F8: variants seen among roughly 807,000 people sequenced by gnomAD.
F8 encodes antihemophilic factor.
A neutral mutation model predicts 140.6 loss-of-function variants in F8; 12 were observed. That is an observed-to-expected ratio of 0.09 (90% CI 0.05 to 0.14). The LOEUF (loss-of-function observed/expected upper bound fraction) is 0.14. Among genes scored for constraint, F8 ranks in the 10% least tolerant of loss-of-function variants. F8 has a pLI of 1.00. For synonymous variants in F8, 585 were observed against 614.6 expected (o/e 0.95, Z 0.71); for missense variants, 1,354 against 1,720.7 (o/e 0.79, Z 3.77).
intron 10 of F8, among the ~76,000 whole-genome samples, chrX:154,958,098 T>C (rs781883965): frequency 9.0e-6 from 1 of 111,030 alleles, no homozygotes; most frequent in South Asian, 3.9e-4. Context: ...GGTGCCCAAA[T>C]GCTGGTCTTT....
intron 11 of F8, among the ~76,000 whole-genome samples, chrX:154,955,441 G>A (rs2124092591): frequency 9.4e-6 from 1 of 106,176 alleles, no homozygotes; most frequent in African/African-American, 3.5e-5. Context: ...TTACAGGCGT[G>A]AGCCACCGCA....
In F8 at chrX:154,966,534, A is replaced by G; in HGVS notation, c.1163T>C (p.Ile388Thr). 1.7e-6 allele frequency: 2 copies of G among 1,211,709 alleles called. No individual in the cohort carries two copies. Among genetic ancestry groups the G allele is most frequent in the Non-Finnish European group, 2.2e-6 (2 of 895,480 alleles). ...RFDDDNSPSF[I>T]QIRSVAKKHP... ...CTTCTTGGCAACTGAGCGAATTTGG[A>G]TAAAGGAAGGAGAGTTGTCATCATC... Residue 388 changes from isoleucine to threonine, a missense_variant, in exon 8 of 26, where the codon ATC becomes ACC. By Grantham distance (89) the Ile-to-Thr change is moderately conservative. Transcript: ENST00000360256.
At chrX:154,966,343 T>C in intron 8 of F8, 83 bp downstream of exon 8, 1 of 1,137,287 alleles carries the variant, frequency 8.8e-7, no homozygotes, top group South Asian at 2.0e-5. Context: ...TAAACATGGC[T>C]TCAGGATTTG....
At chrX:154,869,311 C>A (rs782100652) in intron 22 of F8, among the ~76,000 whole-genome samples, 35 of 111,819 alleles carry the variant, frequency 3.1e-4, no homozygotes, top group African/African-American at 1.1e-3. Context: ...CACTCCTCAG[C>A]AAATACAAAA....
chrX:154,847,625 T>G (rs1363698914), intron 25 of F8, among the ~76,000 whole-genome samples: 1 of 112,328 alleles, frequency 8.9e-6, no homozygotes, highest in Non-Finnish European at 1.9e-5. Context: ...GCCATGGTTT[T>G]CAGCTCCATC....
At chrX:154,972,698 TC>T in intron 6 of F8, among the ~76,000 whole-genome samples, 1 of 93,958 alleles carries the variant, frequency 1.1e-5, no homozygotes, top group African/African-American at 4.9e-5. Context: ...TTCTTTTCTT[TC>T]TGTCTTTCTT....
rs969101260 is a variant in F8, at chrX:154,965,851, T to C, written c.1443+119A>G. 4.8e-5 allele frequency: 33 copies of C among 681,346 alleles called. No individual in the cohort carries two copies. In the East Asian group the frequency reaches 1.1e-3, roughly 22 times the overall value. The allele number at this position is 681,346 out of a possible 1,213,427, so 56.2% of individuals were successfully genotyped here. A position where few individuals can be genotyped will look rare whatever the true frequency, so the allele number is the denominator to read the frequency against. On this transcript the variant is annotated intron_variant, in intron 9 of 25. Transcript: ENST00000360256. ...AATCAGCTATTATTTGTGTAACATT[T>C]ATAGCTTTTAAAAGATCATGTCCAT...
At position 154,837,161 on chromosome X, in the gene F8, G is replaced by A. The variant is rs916679629; in HGVS notation, c.*436C>T. On this transcript the variant is annotated 3_prime_UTR_variant, in exon 26 of 26. Transcript: ENST00000360256. ...ACATGCTTTGTTCCATGCTTGATCAGGATAATAAACAACTGAGAGTTTTAT... is the reference window on the plus strand; with the variant it reads ...ACATGCTTTGTTCCATGCTTGATCAAGATAATAAACAACTGAGAGTTTTAT... 5 of 171,797 alleles carry A rather than the reference G, an allele frequency of 2.9e-5. No individual in the cohort carries two copies. The highest frequency in any genetic ancestry group is 2.9e-4 in the Admixed American group (4 of 13,951). The allele number at this position is 171,797 out of a possible 1,213,427, so 14.2% of individuals were successfully genotyped here.
chrX:154,901,185 A>G (rs1187971215), intron 20 of F8, among the ~76,000 whole-genome samples, 186 bp downstream of exon 20: 2 of 111,999 alleles, frequency 1.8e-5, no homozygotes, highest in African/African-American at 6.5e-5. Context: ...CAGGTAAGAA[A>G]TGATGGTGAC....
chrX:154,901,275 G>A, intron 20 of F8, 96 bp downstream of exon 20: 2 of 621,189 alleles, frequency 3.2e-6, no homozygotes, highest in Non-Finnish European at 5.5e-6. Context: ...ACTAATAGAA[G>A]CATGGAGATG....
rs782722177 is a variant in F8 at position 154,903,920 on chromosome X, T to C, written c.5984A>G (p.Tyr1995Cys). 8.3e-7 allele frequency: 1 copy of C among 1,209,611 alleles called. No individual in the cohort carries two copies. Among genetic ancestry groups the C allele is most frequent in the Non-Finnish European group, 1.1e-6 (1 of 893,681 alleles). ...RKKEEYKMAL[Y>C]NLYPGVFETV... ...CAAGCTCATACCTGGATAGAGATTG[T>C]ACAGTGCCATTTTATACTCCTCTTT... The change falls in exon 18 of 26, where the codon TAC becomes TGC. Residue 1995 changes from tyrosine to cysteine, a missense_variant. Transcript: ENST00000360256.
At chrX:154,987,157 A>T in intron 5 of F8, 80 bp downstream of exon 5, 1 of 797,828 alleles carries the variant, frequency 1.3e-6, no homozygotes, top group Admixed American at 2.4e-5. Context: ...GTAATTTATG[A>T]TCTTTCTATA....
chrX:155,005,488 T>A (rs2073671732), intron 1 of F8, among the ~76,000 whole-genome samples: 1 of 110,488 alleles, frequency 9.1e-6, no homozygotes, highest in South Asian at 4.0e-4. Context: ...AAGGGGAAGA[T>A]GATGAGTACC....
chrX:154,920,287 T>G (rs2073122092), intron 14 of F8: 1 of 110,401 alleles, frequency 9.1e-6, no homozygotes, highest in African/African-American at 3.3e-5. Context: ...TGGCTTTCTG[T>G]AGTGGTATGC....
chrX:154,993,748 A>T (rs2073601828), intron 3 of F8, among the ~76,000 whole-genome samples: 1 of 112,289 alleles, frequency 8.9e-6, no homozygotes, highest in African/African-American at 3.2e-5. Flanking sequence ...CAATTCAACA[A>T]CAAATACACT....
At chrX:154,912,104 C>T (rs2073071772) in intron 14 of F8, among the ~76,000 whole-genome samples, 1 of 111,957 alleles carries the variant, frequency 8.9e-6, no homozygotes, top group East Asian at 2.8e-4. Context: ...TATTAATACC[C>T]TCTCAGTTGT....
intron 4 of F8, among the ~76,000 whole-genome samples, chrX:154,990,765 C>G (rs1040850183): frequency 5.4e-5 from 6 of 111,763 alleles, no homozygotes; most frequent in African/African-American, 2.0e-4. Context: ...CTGGCCACTG[C>G]GTTGGACTCA....
chrX:154,915,615 G>A (rs1389416196), intron 14 of F8, among the ~76,000 whole-genome samples: 1 of 110,935 alleles, frequency 9.0e-6, no homozygotes, highest in Non-Finnish European at 1.9e-5. Flanking sequence ...TTTCTCTCTC[G>A]GATTGTTAGC....
rs2123993933 is a variant in F8, at chrX:154,901,920, A to G, written c.6115+131T>C. ...AACTCTGATGATTTCTACCAGCAATATTCATTTTAAATTTGATAATGATGT... is the reference window on the plus strand; with the variant it reads ...AACTCTGATGATTTCTACCAGCAATGTTCATTTTAAATTTGATAATGATGT... On this transcript the variant is annotated intron_variant, in intron 19 of 25. Transcript: ENST00000360256. 7.1e-6 allele frequency: 4 copies of G among 561,394 alleles called. No homozygotes were observed. In the East Asian group the frequency reaches 9.8e-5, roughly 14 times the overall value. 46.3% of individuals were successfully genotyped at this position (561,394 alleles called of 1,213,427 possible).
Sources: allele counts gnomAD v4.1 joint callset (sites outside exome capture counted in the v4.1 genomes callset), GRCh38; gene constraint gnomAD v4.1.1; transcripts MANE v1.5; gene names NCBI Gene and HGNC (gene_info 2026-07-23, HGNC 2026-07-21).